The following F13A1 variants were observed in gnomAD, a reference collection of about 807,000 sequenced individuals.
F13A1 encodes FSF, A subunit.
In F13A1, 47 loss-of-function variants were observed where a neutral mutation model predicts 80.1. The observed-to-expected ratio is 0.59, with a 90% confidence interval of 0.46 to 0.75. F13A1 has a LOEUF of 0.75. Among genes scored for constraint, F13A1 ranks in the 30% least tolerant of loss-of-function variants. The probability of loss-of-function intolerance (pLI) is 0.00; values close to 1 mark genes in which losing one functional copy is unlikely to be tolerated. For synonymous variants in F13A1, 349 were observed against 344.9 expected (o/e 1.01, Z -0.13); for missense variants, 817 against 930.4 (o/e 0.88, Z 1.59).
chr6:6,167,555 G>A lies in F13A1; in HGVS notation c.1811C>T (p.Ser604Phe). ...GCGAGCTGTGACAAAGAAGTGCAGG[G>A]ACGCTTGTTCCAGCAGCTGACCCAT... ...EYMGQLLEQA[S>F]LHFFVTARIN... The change falls in exon 13 of 15, where the codon TCC becomes TTC. Residue 604 changes from serine (S) to phenylalanine (F), a missense_variant. Transcript: ENST00000264870. 1.2e-6 allele frequency: 2 copies of A among 1,614,042 alleles called. No homozygotes were observed. Among genetic ancestry groups the A allele is most frequent in the Non-Finnish European group, 1.7e-6 (2 of 1,180,020 alleles).
At chr6:6,305,322 C>T in intron 3 of F13A1, 29 bp downstream of exon 3, 1 of 1,613,562 alleles carries the variant, frequency 6.2e-7, no homozygotes, top group Non-Finnish European at 8.5e-7. Flanking sequence ...CCCATGGTGT[C>T]AAGACTGGAG....
In F13A1 at chr6:6,195,891, T is replaced by C; in HGVS notation, c.1217-6A>G. The C allele has an allele frequency of 6.2e-7, 1 of 1,613,936 alleles. No individual in the cohort carries two copies. Among genetic ancestry groups the C allele is most frequent in the East Asian group, 2.2e-5 (1 of 44,872 alleles). On this transcript the variant is annotated splice_polypyrimidine_tract_variant and splice_region_variant and intron_variant, in intron 9 of 14. Coordinates refer to ENST00000264870, the MANE Select transcript of F13A1 (RefSeq NM_000129.4). ...GGGGCCACACCGATACATGCCTGCA[T>C]TGCACAGAGGAAGGGCGGTGTGAGT...
intron 4 of F13A1, among the ~76,000 whole-genome samples, chr6:6,254,915 ATG>A (rs568360695): frequency 2.8e-4 from 43 of 152,152 alleles, no homozygotes; most frequent in Non-Finnish European, 5.1e-4. Context: ...ATTTTCTAAA[ATG>A]TGTTTCCATT....
At chr6:6,310,393 C>A (rs922492502) in intron 2 of F13A1, among the ~76,000 whole-genome samples, 1 of 152,158 alleles carries the variant, frequency 6.6e-6, no homozygotes, top group African/African-American at 2.4e-5. Context: ...TATTGTGCAG[C>A]CTCAGAAAAG....
At chr6:6,311,083 TTATA>T (rs1179673882) in intron 2 of F13A1, among the ~76,000 whole-genome samples, 2 of 152,262 alleles carry the variant, frequency 1.3e-5, no homozygotes, top group African/African-American at 4.8e-5. Flanking sequence ...TGTATTATCT[TTATA>T]TAGGTGATTT....
intron 14 of F13A1, among the ~76,000 whole-genome samples, chr6:6,146,857 A>G (rs775199340): frequency 6.6e-6 from 1 of 152,224 alleles, no homozygotes; most frequent in Admixed American, 6.5e-5. Flanking sequence ...ATATTTGCAC[A>G]CACATATTTA....
intron 4 of F13A1, among the ~76,000 whole-genome samples, chr6:6,253,922 A>G (rs1028368096): frequency 1.3e-5 from 2 of 152,206 alleles, no homozygotes; most frequent in Non-Finnish European, 2.9e-5. Flanking sequence ...TACTATATAC[A>G]AACTGTATCC....
chr6:6,162,559 G>T lies in F13A1; in HGVS notation c.1908+4899C>A, dbSNP rs115773780. 1.7e-3 allele frequency among the ~76,000 whole-genome samples: 256 copies of T among 152,312 alleles called. 1 individual carries two copies. Among genetic ancestry groups the T allele is most frequent in the African/African-American group, 5.9e-3 (247 of 41,564 alleles). Reference sequence around the variant, plus strand: ...TGTAGCCCAGCGGCTGCCAGCACAGGCTTCCAAGTCAGGAAGACCTGGGCC... The same window carrying T: ...TGTAGCCCAGCGGCTGCCAGCACAGTCTTCCAAGTCAGGAAGACCTGGGCC... On this transcript the variant is annotated intron_variant, in intron 13 of 14. Coordinates refer to ENST00000264870, the MANE Select transcript of F13A1 (RefSeq NM_000129.4). The surrounding 1 kb of genome is among the most constrained non-coding windows in gnomAD (Gnocchi z 4.2).
At chr6:6,238,968 T>C (rs963214071) in intron 6 of F13A1, among the ~76,000 whole-genome samples, 1 of 152,164 alleles carries the variant, frequency 6.6e-6, no homozygotes, top group Admixed American at 6.6e-5. Flanking sequence ...GTTAAATATA[T>C]ACATACTTTC....
chr6:6,177,359 C>T (rs934824608), intron 11 of F13A1, among the ~76,000 whole-genome samples: 3 of 152,170 alleles, frequency 2.0e-5, no homozygotes, highest in African/African-American at 7.2e-5. Context: ...CTCCCTAACA[C>T]ATACCTGGTT....
At chr6:6,157,007 G>A (rs1476909599) in intron 13 of F13A1, among the ~76,000 whole-genome samples, 1 of 152,226 alleles carries the variant, frequency 6.6e-6, no homozygotes, top group Non-Finnish European at 1.5e-5. Context: ...GCACAGAGGA[G>A]TTAAGTAACT....
At chr6:6,177,226 TAAG>T (rs1012408831) in intron 11 of F13A1, among the ~76,000 whole-genome samples, 16 of 152,212 alleles carry the variant, frequency 1.1e-4, no homozygotes, top group African/African-American at 3.6e-4. Flanking sequence ...TAGGATGTAA[TAAG>T]AGAGCCCTTT....
intron 8 of F13A1, among the ~76,000 whole-genome samples, chr6:6,204,173 T>C (rs565871994): frequency 1.3e-5 from 2 of 152,360 alleles, no homozygotes; most frequent in African/African-American, 4.8e-5. Context: ...TGACCTTAAC[T>C]TGGCTAACTA....
intron 4 of F13A1, among the ~76,000 whole-genome samples, chr6:6,260,369 G>A (rs1159717560): frequency 6.6e-6 from 1 of 152,128 alleles, no homozygotes; most frequent in Non-Finnish European, 1.5e-5. Context: ...GTGCCACCTC[G>A]GGCCACAATC....
intron 12 of F13A1, among the ~76,000 whole-genome samples, chr6:6,173,168 GC>G (rs1300491915): frequency 6.6e-6 from 1 of 152,062 alleles, no homozygotes; most frequent in Non-Finnish European, 1.5e-5. Context: ...CAACTGTTGT[GC>G]CCACCAAATA....
At chr6:6,146,727 C>G (rs1413657778) in intron 14 of F13A1, among the ~76,000 whole-genome samples, 1 of 152,130 alleles carries the variant, frequency 6.6e-6, no homozygotes, top group Non-Finnish European at 1.5e-5. Context: ...GGTAAATGGG[C>G]AGAGATGAAA....
rs76879342 is a variant in F13A1 at position 6,176,880 on chromosome 6, C to A, written c.1460-2013G>T. ...GGAGAAGAAGCCTTGAAGCCAGCCA[C>A]AAGCAACTTCACAGCCTGCCATGGG... On this transcript the variant is annotated intron_variant, in intron 11 of 14. Coordinates refer to ENST00000264870, the MANE Select transcript of F13A1 (RefSeq NM_000129.4). Among the ~76,000 whole-genome samples the A allele has an allele frequency of 3.9e-3, 587 of 152,318 alleles. 6 individuals are homozygous for A. Among genetic ancestry groups the A allele is most frequent in the African/African-American group, 0.014 (564 of 41,560 alleles).
At chr6:6,268,095 G>C (rs114145524) in intron 3 of F13A1, among the ~76,000 whole-genome samples, 1 of 152,208 alleles carries the variant, frequency 6.6e-6, no homozygotes, top group Non-Finnish European at 1.5e-5. Flanking sequence ...TTTGAATCCA[G>C]TCATAACCTA....
At chr6:6,161,906 A>ACATGTGAG (rs1388875226) in intron 13 of F13A1, among the ~76,000 whole-genome samples, 1 of 152,118 alleles carries the variant, frequency 6.6e-6, no homozygotes, top group East Asian at 1.9e-4. Context: ...TTGGATTCAG[A>ACATGTGAG]CATGTGAGCC....
Sources: allele counts gnomAD v4.1 joint callset (sites outside exome capture counted in the v4.1 genomes callset), GRCh38; gene constraint gnomAD v4.1.1; non-coding constraint Gnocchi (gnomAD v3.1); transcripts MANE v1.5; gene names NCBI Gene and HGNC (gene_info 2026-07-23, HGNC 2026-07-21).